The following SLC1A1 variants were observed in gnomAD, a reference collection of about 807,000 sequenced individuals.
The protein encoded by SLC1A1 is solute carrier family 1 member 1.
In SLC1A1, 43 loss-of-function variants were observed where a neutral mutation model predicts 53.3. That is an observed-to-expected ratio of 0.81 (90% CI 0.63 to 1.04). The LOEUF is 1.04. SLC1A1 is among the 50% of genes least tolerant of loss of function. The pLI is 0.00. For synonymous variants in SLC1A1, 307 were observed against 243.2 expected (o/e 1.26, Z -2.44); for missense variants, 748 against 664.9 (o/e 1.12, Z -1.37).
intron 7 of SLC1A1, among the ~76,000 whole-genome samples, chr9:4,573,321 C>A (rs930678699): frequency 6.6e-6 from 1 of 152,206 alleles, no homozygotes; most frequent in African/African-American, 2.4e-5. Context: ...TCACTTAATA[C>A]TGCAGAAACC....
intron 10 of SLC1A1, among the ~76,000 whole-genome samples, chr9:4,580,583 G>GA (rs779115391): frequency 0.011 from 1,324 of 121,496 alleles, 25 homozygotes; most frequent in African/African-American, 0.037. Flanking sequence ...CTTGTCTCTG[G>GA]AAAAAAAAAA....
intron 1 of SLC1A1, among the ~76,000 whole-genome samples, chr9:4,509,632 C>T (rs1373270390): frequency 6.6e-6 from 1 of 152,058 alleles, no homozygotes; most frequent in East Asian, 1.9e-4. Flanking sequence ...ATTTGCTAAA[C>T]CCAGCCAAAA....
At chr9:4,541,347 T>G (rs1015445370) in intron 1 of SLC1A1, among the ~76,000 whole-genome samples, 13 of 152,214 alleles carry the variant, frequency 8.5e-5, no homozygotes, top group Admixed American at 4.6e-4. Flanking sequence ...ACAAAGAAGT[T>G]TAGTAGGATT....
intron 4 of SLC1A1, 55 bp from the exon 5 acceptor site, chr9:4,565,992 T>C (rs1819449931): frequency 3.8e-6 from 5 of 1,319,274 alleles, no homozygotes. Context: ...ATATTAGGTA[T>C]GACAAAACAA....
chr9:4,529,125 T>G (rs904008016), intron 1 of SLC1A1, among the ~76,000 whole-genome samples: 2 of 152,152 alleles, frequency 1.3e-5, no homozygotes, highest in Admixed American at 6.5e-5. Context: ...CCGCTCACCT[T>G]GGATCACAGC....
chr9:4,534,852 A>C lies in SLC1A1; in HGVS notation c.92-9715A>C, dbSNP rs147402459. ...AATCCAGCAGCACATCAAGAAGCTT[A>C]TCCACCATGATCTAGTGGGATTCAT... On this transcript the variant is annotated intron_variant, in intron 1 of 11. Coordinates refer to ENST00000262352, the MANE Select transcript of SLC1A1 (RefSeq NM_004170.6). 6.5e-3 allele frequency among the ~76,000 whole-genome samples: 989 copies of C among 152,332 alleles called. 5 individuals are homozygous for C. The highest frequency in any genetic ancestry group is 0.02 in the Middle Eastern group (6 of 294).
At chr9:4,508,325 G>A (rs1820872360) in intron 1 of SLC1A1, among the ~76,000 whole-genome samples, 1 of 152,154 alleles carries the variant, frequency 6.6e-6, no homozygotes, top group Non-Finnish European at 1.5e-5. Context: ...CACATGCATG[G>A]TACTGATACA....
At chr9:4,551,719 A>T (rs976359256) in intron 2 of SLC1A1, among the ~76,000 whole-genome samples, 1 of 152,224 alleles carries the variant, frequency 6.6e-6, no homozygotes, top group Non-Finnish European at 1.5e-5. Context: ...GTTGCCTAAG[A>T]CTGTACAGTC....
chr9:4,566,788 T>C (rs1051769557), intron 5 of SLC1A1, among the ~76,000 whole-genome samples: 3 of 152,072 alleles, frequency 2.0e-5, no homozygotes, highest in South Asian at 4.2e-4. Context: ...TGTAGGAAAA[T>C]TGAACAATCT....
chr9:4,572,437 C>A, intron 7 of SLC1A1, 49 bp downstream of exon 7: 1 of 1,496,382 alleles, frequency 6.7e-7, no homozygotes, highest in South Asian at 1.1e-5. Context: ...ACAATTCTGT[C>A]TCCTCAAAAT....
At chr9:4,584,457 A>G (rs757684391) in intron 11 of SLC1A1, among the ~76,000 whole-genome samples, 9 of 152,170 alleles carry the variant, frequency 5.9e-5, no homozygotes, top group Non-Finnish European at 1.3e-4. Flanking sequence ...CAAAGGTCCA[A>G]TTGGAGGTAT....
intron 2 of SLC1A1, 148 bp downstream of exon 2, chr9:4,544,855 A>G (rs757538944): frequency 1.1e-4 from 83 of 728,840 alleles, no homozygotes; most frequent in Non-Finnish European, 1.6e-4. Flanking sequence ...ACTCACAATC[A>G]TGGCGGAAGG....
intron 1 of SLC1A1, among the ~76,000 whole-genome samples, chr9:4,496,570 C>G (rs1035576824): frequency 2.0e-5 from 3 of 151,908 alleles, no homozygotes; most frequent in Admixed American, 2.0e-4. Flanking sequence ...AGACTTGAGT[C>G]TGACTGAACC....
intron 1 of SLC1A1, among the ~76,000 whole-genome samples, chr9:4,535,928 A>C (rs1816657388): frequency 6.6e-6 from 1 of 152,210 alleles, no homozygotes; most frequent in Non-Finnish European, 1.5e-5. Flanking sequence ...AACCTGACAA[A>C]AACAAGAAAT....
intron 1 of SLC1A1, among the ~76,000 whole-genome samples, chr9:4,517,913 G>T (rs893603073): frequency 6.6e-6 from 1 of 152,006 alleles, no homozygotes; most frequent in Non-Finnish European, 1.5e-5. Context: ...TTGTTGAAAT[G>T]TATTTCAACC....
intron 1 of SLC1A1, among the ~76,000 whole-genome samples, chr9:4,527,938 G>T (rs1298481971): frequency 6.6e-6 from 1 of 151,944 alleles, no homozygotes; most frequent in Non-Finnish European, 1.5e-5. Flanking sequence ...CCCTTATTGG[G>T]GTCACAAACT....
At chr9:4,505,052 T>TTTC (rs1220839257) in intron 1 of SLC1A1, among the ~76,000 whole-genome samples, 1 of 139,956 alleles carries the variant, frequency 7.1e-6, no homozygotes, top group African/African-American at 2.9e-5. Flanking sequence ...TTTCTTTTTT[T>TTTC]TTTTTTTTTT....
chr9:4,547,135 G>C (rs938997219), intron 2 of SLC1A1, among the ~76,000 whole-genome samples: 13 of 152,170 alleles, frequency 8.5e-5, no homozygotes, highest in African/African-American at 3.1e-4. Flanking sequence ...TTTTGTTTTG[G>C]TTTGGTTTTT....
chr9:4,496,083 C>T (rs190757845), intron 1 of SLC1A1, among the ~76,000 whole-genome samples: 45 of 152,158 alleles, frequency 3.0e-4, no homozygotes, highest in African/African-American at 1.0e-3. Context: ...AATGAATGAA[C>T]CTATCCTGGG....
Sources: allele counts gnomAD v4.1 joint callset (sites outside exome capture counted in the v4.1 genomes callset), GRCh38; gene constraint gnomAD v4.1.1; transcripts MANE v1.5; gene names NCBI Gene and HGNC (gene_info 2026-07-23, HGNC 2026-07-21).